DOCK11: variants seen among roughly 807,000 people sequenced by gnomAD.
DOCK11 encodes the protein dedicator of cytokinesis 11.
In DOCK11, 70 loss-of-function variants were observed where a neutral mutation model predicts 169.1. That is an observed-to-expected ratio of 0.41 (90% CI 0.34 to 0.51). The LOEUF (loss-of-function observed/expected upper bound fraction) is 0.51. DOCK11 is among the 20% of genes least tolerant of loss of function. The pLI, the probability that DOCK11 is intolerant of heterozygous loss-of-function variation, is 0.10. For missense variants in DOCK11, 1,166 were observed against 1,538.8 expected (o/e 0.76, Z 4.05); for synonymous variants, 529 against 541.3 (o/e 0.98, Z 0.32).
At chrX:118,577,314 G>A (rs1189949736) in intron 12 of DOCK11, among the ~76,000 whole-genome samples, 2 of 112,191 alleles carry the variant, frequency 1.8e-5, no homozygotes, top group African/African-American at 6.5e-5. Context: ...CCCGAAGCCA[G>A]GTTCTGTGAC....
intron 23 of DOCK11, among the ~76,000 whole-genome samples, chrX:118,603,723 A>G (rs780178906): frequency 6.1e-4 from 68 of 112,271 alleles, no homozygotes; most frequent in African/African-American, 2.2e-3. Flanking sequence ...GTGCTTGGCT[A>G]TTGGAAGTTC....
intron 44 of DOCK11, among the ~76,000 whole-genome samples, chrX:118,657,119 C>G (rs1027394848): frequency 4.5e-5 from 5 of 111,095 alleles, no homozygotes; most frequent in Non-Finnish European, 9.4e-5. Flanking sequence ...ATTATCAGTC[C>G]TTAAGCTTTA....
intron 6 of DOCK11, among the ~76,000 whole-genome samples, chrX:118,553,500 A>T (rs1224120977): frequency 9.0e-6 from 1 of 111,688 alleles, no homozygotes; most frequent in Non-Finnish European, 1.9e-5. Flanking sequence ...AAGTGCCTTG[A>T]TATGATATCG....
intron 44 of DOCK11, among the ~76,000 whole-genome samples, chrX:118,655,175 A>T (rs977730580): frequency 8.9e-6 from 1 of 111,835 alleles, no homozygotes; most frequent in African/African-American, 3.3e-5. Context: ...AAAGTTAAAT[A>T]GTACAGGGTG....
At chrX:118,545,457 G>C in intron 5 of DOCK11, 65 bp downstream of exon 5, 2 of 794,086 alleles carry the variant, frequency 2.5e-6, no homozygotes, top group Non-Finnish European at 3.5e-6. Flanking sequence ...TGCTGAAAAA[G>C]ATTTCAAAGG....
At chrX:118,506,232 G>T (rs1316376546) in intron 1 of DOCK11, among the ~76,000 whole-genome samples, 1 of 107,481 alleles carries the variant, frequency 9.3e-6, no homozygotes, top group African/African-American at 3.4e-5. Context: ...TCCAGCTTGG[G>T]TGACAGACTG....
intron 6 of DOCK11, among the ~76,000 whole-genome samples, chrX:118,557,442 G>A (rs1255147021): frequency 1.8e-5 from 2 of 111,280 alleles, no homozygotes; most frequent in Non-Finnish European, 3.8e-5. Context: ...CAGCAGATAA[G>A]CCAGTGTAGC....
In DOCK11 at chrX:118,546,028, C is replaced by G. The variant is rs745852407; in HGVS notation, c.470C>G (p.Ser157Cys). The G allele has an allele frequency of 5.0e-6, 6 of 1,199,344 alleles. No homozygotes were observed. Among genetic ancestry groups the G allele is most frequent in the Non-Finnish European group, 6.8e-6 (6 of 888,570 alleles). The change falls in exon 6 of 53, where the codon TCT becomes TGT. Residue 157 changes from serine to cysteine, a missense_variant. Physicochemically the swap from Ser to Cys is moderately radical, Grantham distance 112 (BLOSUM62 -1). Transcript: ENST00000276202. ...ATTTTTGTTCTATTTCAGGACTCAT[C>G]TTCTTTATGTTCTCAGAAGGGTGGT... ...DEDCEKDEDS[S>C]SLCSQKGGVI...
intron 1 of DOCK11, among the ~76,000 whole-genome samples, chrX:118,534,588 T>A (rs1447952261): frequency 8.9e-6 from 1 of 112,430 alleles, no homozygotes; most frequent in Non-Finnish European, 1.9e-5. Context: ...TTCGAAATCA[T>A]ATTGTGCTGA....
chrX:118,535,590 G>T (rs1472360682), intron 1 of DOCK11, among the ~76,000 whole-genome samples: 1 of 111,379 alleles, frequency 9.0e-6, no homozygotes, highest in Admixed American at 9.5e-5. Flanking sequence ...AATAAGGGCT[G>T]TTGGGGAGCG....
At chrX:118,593,118 A>C in intron 19 of DOCK11, 96 bp from the exon 20 acceptor site, 1 of 963,014 alleles carries the variant, frequency 1.0e-6, no homozygotes, top group African/African-American at 1.9e-5. Flanking sequence ...GTCCTTTAGG[A>C]AGTATTTTTG....
chrX:118,647,795 TAATATATAATAATATA>T (rs2015765908), intron 40 of DOCK11, among the ~76,000 whole-genome samples: 1 of 27,988 alleles, frequency 3.6e-5, no homozygotes, highest in Non-Finnish European at 5.2e-5. Context: ...TAATATATTA[TAATATATAATAATATA>T]TATTATATTA....
intron 31 of DOCK11, among the ~76,000 whole-genome samples, chrX:118,619,003 G>A (rs1419009897): frequency 9.2e-6 from 1 of 108,160 alleles, no homozygotes; most frequent in Non-Finnish European, 1.9e-5. Context: ...GACTACAGGC[G>A]AGTGCCACCA....
chrX:118,605,400 T>A (rs1235523586), intron 24 of DOCK11, 44 bp downstream of exon 24: 2 of 947,963 alleles, frequency 2.1e-6, no homozygotes, highest in Non-Finnish European at 3.0e-6. Flanking sequence ...TTATTTGAGA[T>A]CTTTCTTATT....
chrX:118,640,708 C>T (rs1301738826), intron 38 of DOCK11, among the ~76,000 whole-genome samples: 1 of 112,431 alleles, frequency 8.9e-6, no homozygotes. Flanking sequence ...TCCTGCAGAG[C>T]TGTTGATACA....
rs754812918 is a variant in DOCK11 at position 118,614,788 on chromosome X, G to A, written c.3180+13G>A. On this transcript the variant is annotated intron_variant, in intron 29 of 52. Coordinates refer to ENST00000276202, the MANE Select transcript of DOCK11 (RefSeq NM_144658.4). ...CAAAGATCCTAAGGTAAGTTATAAG[G>A]ACATGATTGTAGTGGATGTCAGACA... The A allele has an allele frequency of 1.8e-6, 2 of 1,086,691 alleles. No homozygotes were observed. Among genetic ancestry groups the A allele is most frequent in the South Asian group, 3.9e-5 (2 of 51,456 alleles). The allele number at this position is 1,086,691 out of a possible 1,213,427, so 89.6% of individuals were successfully genotyped here. A position where few individuals can be genotyped will look rare whatever the true frequency, so the allele number is the denominator to read the frequency against.
chrX:118,496,257 C>T (rs1299071357), intron 1 of DOCK11, among the ~76,000 whole-genome samples, 184 bp downstream of exon 1: 1 of 112,380 alleles, frequency 8.9e-6, no homozygotes, highest in Non-Finnish European at 1.9e-5. Flanking sequence ...GCTGACAGCT[C>T]TCCGGCCGCC....
rs1284628017 is a variant in DOCK11, at chrX:118,496,110, G to A, written c.102+37G>A. ...GGGGACGGGGCATCCCGGGGGACGC[G>A]CTCCAGGCGGGAGCGACGCGGGAAG... is the stretch of plus-strand genomic sequence containing the variant. On this transcript the variant is annotated intron_variant, in intron 1 of 52. Coordinates refer to ENST00000276202, the MANE Select transcript of DOCK11 (RefSeq NM_144658.4). 27 of 922,896 alleles carry A rather than the reference G, an allele frequency of 2.9e-5. No individual in the cohort carries two copies. In the East Asian group the frequency reaches 1.2e-3, roughly 41 times the overall value. The allele number at this position is 922,896 out of a possible 1,213,427, so 76.1% of individuals were successfully genotyped here. A position where few individuals can be genotyped will look rare whatever the true frequency, so the allele number is the denominator to read the frequency against.
chrX:118,668,727 G>A (rs1417338494), intron 45 of DOCK11, among the ~76,000 whole-genome samples: 1 of 111,351 alleles, frequency 9.0e-6, no homozygotes, highest in Non-Finnish European at 1.9e-5. Context: ...TGCCAAAAAA[G>A]TAGTGAAATA....
Sources: gnomAD v4.1 joint callset for allele counts (sites outside exome capture counted in the v4.1 genomes callset) on GRCh38, gnomAD v4.1.1 for gene constraint, MANE v1.5 for transcripts, NCBI Gene and HGNC (gene_info 2026-07-23, HGNC 2026-07-21) for gene names.